The following DPYSL5 variants were observed in gnomAD, a reference collection of about 807,000 sequenced individuals.
DPYSL5 encodes the protein dihydropyrimidinase-related protein 5.
In DPYSL5, 9 loss-of-function variants were observed where a neutral mutation model predicts 58.4. That is an observed-to-expected ratio of 0.15 (90% CI 0.09 to 0.27). The LOEUF (loss-of-function observed/expected upper bound fraction) is 0.27, where lower values mean the gene tolerates loss of function less well. DPYSL5 is among the 10% of genes least tolerant of loss of function. The pLI is 1.00. For missense variants in DPYSL5, 499 were observed against 770.6 expected (o/e 0.65, Z 4.17); for synonymous variants, 293 against 301.9 (o/e 0.97, Z 0.31).
chr2:26,854,345 G>A (rs1038988678), intron 1 of DPYSL5, among the ~76,000 whole-genome samples: 4 of 152,124 alleles, frequency 2.6e-5, no homozygotes, highest in Admixed American at 6.5e-5. Context: ...TGTAGCCCCA[G>A]CTACTCAGGA....
At position 26,948,822 on chromosome 2, in the gene DPYSL5, AC is replaced by A. The variant is rs1460719152; in HGVS notation, c.*1828del. On this transcript the variant is annotated 3_prime_UTR_variant, in exon 13 of 13. Transcript: ENST00000288699. Reference sequence around the variant, plus strand: ...CAGTGAGCCAAGATCACGCCACTGCACTTCAGCCTGGACGACAGAGTGAGAC... The same window carrying A: ...CAGTGAGCCAAGATCACGCCACTGCATTCAGCCTGGACGACAGAGTGAGAC... 6.6e-6 allele frequency: 1 copy of A among 152,580 alleles called. No homozygotes were observed. The highest frequency in any genetic ancestry group is 6.5e-5 in the Admixed American group (1 of 15,290). 9.5% of individuals were successfully genotyped at this position (152,580 alleles called of 1,614,324 possible). A position where few individuals can be genotyped will look rare whatever the true frequency, so the allele number is the denominator to read the frequency against.
intron 11 of DPYSL5, among the ~76,000 whole-genome samples, chr2:26,943,641 C>T (rs1011351189): frequency 1.3e-5 from 2 of 152,220 alleles, no homozygotes; most frequent in Admixed American, 6.5e-5. Context: ...TGTTGCCTCT[C>T]ATGTGCCAGA....
At chr2:26,926,246 G>A (rs888885154) in intron 3 of DPYSL5, among the ~76,000 whole-genome samples, 9 of 152,248 alleles carry the variant, frequency 5.9e-5, no homozygotes, top group African/African-American at 2.2e-4. Context: ...TCCCGGTTCT[G>A]GGCCAGAGGT....
intron 1 of DPYSL5, among the ~76,000 whole-genome samples, chr2:26,866,491 C>CA (rs1157233092): frequency 6.6e-6 from 1 of 152,028 alleles, no homozygotes; most frequent in African/African-American, 2.4e-5. Context: ...CACACACACA[C>CA]ACACAATGTT....
intron 1 of DPYSL5, among the ~76,000 whole-genome samples, chr2:26,874,307 G>T: frequency 6.6e-6 from 1 of 152,012 alleles, no homozygotes; most frequent in East Asian, 1.9e-4. Context: ...ATCTTTTAGG[G>T]TTCATGCTTT....
At chr2:26,883,708 CT>C (rs1310711489) in intron 1 of DPYSL5, among the ~76,000 whole-genome samples, 2 of 152,094 alleles carry the variant, frequency 1.3e-5, no homozygotes, top group East Asian at 3.9e-4. Flanking sequence ...CTCATATTTA[CT>C]CTGTTATGTC....
At chr2:26,931,780 C>T (rs112769372) in intron 6 of DPYSL5, 96 bp downstream of exon 6, 15 of 1,299,524 alleles carry the variant, frequency 1.2e-5, no homozygotes, top group Middle Eastern at 2.5e-4. Context: ...GGCCGAGGTG[C>T]GTGGATCACC....
At chr2:26,889,727 C>T (rs1483153957) in intron 1 of DPYSL5, among the ~76,000 whole-genome samples, 4 of 152,132 alleles carry the variant, frequency 2.6e-5, no homozygotes, top group African/African-American at 7.2e-5. Flanking sequence ...CAACAATTGC[C>T]CTCAAATCTC....
chr2:26,857,838 A>G (rs41448746), intron 1 of DPYSL5, among the ~76,000 whole-genome samples: 62,797 of 152,078 alleles, frequency 0.41, 13,324 homozygotes, highest in Admixed American at 0.49. Flanking sequence ...AAGTAAAGAT[A>G]AGGCACAACA....
chr2:26,888,947 G>A (rs531413657), intron 1 of DPYSL5, among the ~76,000 whole-genome samples: 15 of 152,052 alleles, frequency 9.9e-5, no homozygotes, highest in African/African-American at 3.6e-4. Flanking sequence ...CTCTCTTCCC[G>A]GCTTACAGAT....
chr2:26,910,613 C>CT lies in DPYSL5; in HGVS notation c.261+11855dup, dbSNP rs1166505450. Among the ~76,000 whole-genome samples, 53 of 123,356 alleles carry CT rather than the reference C, an allele frequency of 4.3e-4. No individual in the cohort carries two copies. In the East Asian group the frequency reaches 0.012, roughly 27 times the overall value. The allele number at this position is 123,356 out of a possible 152,430, so 80.9% of individuals were successfully genotyped here. Reference sequence around the variant, plus strand: ...TTGTTTTCTTTTTTTCTTTCTTCTTCTTCTTTTTTTTTTTTTTTTTTTAGT... The same window carrying CT: ...TTGTTTTCTTTTTTTCTTTCTTCTTCTTTCTTTTTTTTTTTTTTTTTTTAGT... On this transcript the variant is annotated intron_variant, in intron 2 of 12. Transcript: ENST00000288699.
intron 1 of DPYSL5, among the ~76,000 whole-genome samples, chr2:26,889,977 C>T (rs1278950895): frequency 1.3e-5 from 2 of 152,140 alleles, no homozygotes; most frequent in Non-Finnish European, 2.9e-5. Context: ...GTCCACAGTC[C>T]ACAGCGAGGC....
chr2:26,931,563 G>T, intron 5 of DPYSL5, 77 bp from the exon 6 acceptor site: 1 of 1,581,704 alleles, frequency 6.3e-7, no homozygotes, highest in Non-Finnish European at 8.7e-7. Flanking sequence ...GTTGCTCCAT[G>T]AAGGGGAGAG....
intron 1 of DPYSL5, among the ~76,000 whole-genome samples, chr2:26,870,178 T>C (rs1427438084): frequency 6.6e-6 from 1 of 152,270 alleles, no homozygotes; most frequent in Non-Finnish European, 1.5e-5. Flanking sequence ...TTTTGTGCTT[T>C]ACTCATTAGA....
chr2:26,879,327 T>TA (rs1663493574), intron 1 of DPYSL5, among the ~76,000 whole-genome samples: 1 of 151,788 alleles, frequency 6.6e-6, no homozygotes, highest in African/African-American at 2.4e-5. Flanking sequence ...CATGAGAAAA[T>TA]AAAAACATTA....
At chr2:26,914,819 A>G (rs1156300261) in intron 2 of DPYSL5, among the ~76,000 whole-genome samples, 3 of 152,114 alleles carry the variant, frequency 2.0e-5, no homozygotes, top group Non-Finnish European at 2.9e-5. Flanking sequence ...GCAGGAACTC[A>G]GGACTCCCAG....
At chr2:26,937,062 G>T (rs1665198856) in intron 8 of DPYSL5, among the ~76,000 whole-genome samples, 1 of 151,652 alleles carries the variant, frequency 6.6e-6, no homozygotes, top group African/African-American at 2.4e-5. Context: ...TGGTTCCAAG[G>T]TCAAGAATCT....
At chr2:26,857,774 A>T (rs1665915023) in intron 1 of DPYSL5, among the ~76,000 whole-genome samples, 1 of 152,212 alleles carries the variant, frequency 6.6e-6, no homozygotes, top group African/African-American at 2.4e-5. Context: ...CTTAAAATAG[A>T]TGTGATTTTT....
At chr2:26,931,516 G>T (rs1183026162) in intron 5 of DPYSL5, 124 bp from the exon 6 acceptor site, 2 of 1,081,610 alleles carry the variant, frequency 1.8e-6, no homozygotes, top group African/African-American at 3.1e-5. Context: ...TAGTGCCTCT[G>T]CCCGGGCTTT....
Sources: allele counts gnomAD v4.1 joint callset (sites outside exome capture counted in the v4.1 genomes callset), GRCh38; gene constraint gnomAD v4.1.1; transcripts MANE v1.5; gene names NCBI Gene and HGNC (gene_info 2026-07-23, HGNC 2026-07-21).